The following RANBP2 variants were observed in gnomAD, a reference collection of about 807,000 sequenced individuals.
RANBP2 encodes E3 SUMO-protein ligase RanBP2.
In RANBP2, 57 loss-of-function variants were observed where a neutral mutation model predicts 303.6. That is an observed-to-expected ratio of 0.19 (90% CI 0.15 to 0.23). The LOEUF (loss-of-function observed/expected upper bound fraction) is 0.23, where lower values mean the gene tolerates loss of function less well. Ranked by LOEUF, RANBP2 falls within the 10% of genes least tolerant of loss-of-function variation. The pLI is 1.00. For missense variants in RANBP2, 3,138 were observed against 3,780.8 expected (o/e 0.83, Z 4.46); for synonymous variants, 1,167 against 1,301.5 (o/e 0.90, Z 2.23).
chr2:108,997,440 C>CAAAA, the RANBP2 span, among the ~76,000 whole-genome samples: 26,161 of 49,776 alleles, frequency 0.53, 10,220 homozygotes, highest in South Asian at 0.76. Flanking sequence ...GACTCTGTCT[C>CAAAA]AAAAAAAAAA....
chr2:108,903,370 T>C, the RANBP2 span, among the ~76,000 whole-genome samples: 7 of 152,070 alleles, frequency 4.6e-5, no homozygotes, highest in African/African-American at 1.7e-4. Flanking sequence ...AGGCATTTTG[T>C]ACATATAGGG....
At chr2:108,786,834 G>C, downstream of RANBP2, 2 of 1,592,114 alleles carry the variant, frequency 1.3e-6, no homozygotes, top group East Asian at 2.3e-5. Context: ...TGGAGCCGAG[G>C]GTCGTCAAGC....
the RANBP2 span, among the ~76,000 whole-genome samples, chr2:109,202,752 C>G: frequency 4.6e-5 from 7 of 152,160 alleles, no homozygotes; most frequent in Admixed American, 1.3e-4. Context: ...CTGTCGACAG[C>G]CCTTCCCATA....
chr2:108,756,127 C>T (rs772235318), intron 17 of RANBP2, among the ~76,000 whole-genome samples: 13 of 152,234 alleles, frequency 8.5e-5, no homozygotes, highest in African/African-American at 1.4e-4. Context: ...TATAAGAGTT[C>T]GTGGCACAGA....
At chr2:109,090,342 A>C in the RANBP2 span, among the ~76,000 whole-genome samples, 2 of 151,680 alleles carry the variant, frequency 1.3e-5, no homozygotes, top group East Asian at 1.9e-4. Context: ...ACACACACAC[A>C]CACACACACA....
At chr2:109,445,069 C>T in the RANBP2 span, among the ~76,000 whole-genome samples, 1 of 152,138 alleles carries the variant, frequency 6.6e-6, no homozygotes, top group African/African-American at 2.4e-5. Flanking sequence ...CTGTAGGTAG[C>T]ATAAACTCTA....
the RANBP2 span, among the ~76,000 whole-genome samples, chr2:109,654,409 C>T: frequency 6.6e-6 from 1 of 151,906 alleles, no homozygotes; most frequent in East Asian, 1.9e-4. Flanking sequence ...TTCAGTTAAG[C>T]TAAGAGTTTA....
chr2:109,628,003 G>A, the RANBP2 span, among the ~76,000 whole-genome samples: 4 of 152,102 alleles, frequency 2.6e-5, no homozygotes, highest in African/African-American at 7.2e-5. Context: ...TTGAGAGGGT[G>A]CGTATCTGTG....
At chr2:109,104,279 T>G in the RANBP2 span, among the ~76,000 whole-genome samples, 1 of 152,182 alleles carries the variant, frequency 6.6e-6, no homozygotes, top group Non-Finnish European at 1.5e-5. Context: ...ATCTGTTGTG[T>G]CAGTCTTAGG....
chr2:109,171,479 AC>A, the RANBP2 span, among the ~76,000 whole-genome samples: 11 of 152,018 alleles, frequency 7.2e-5, no homozygotes, highest in African/African-American at 2.7e-4. Flanking sequence ...TTGCCCCCCT[AC>A]CCCGACCCCT....
the RANBP2 span, among the ~76,000 whole-genome samples, chr2:109,387,988 G>T: frequency 6.6e-6 from 1 of 152,030 alleles, no homozygotes; most frequent in African/African-American, 2.4e-5. Flanking sequence ...GGACTCCTCG[G>T]TCCCTGTTCA....
chr2:109,615,480 C>T, the RANBP2 span: 24 of 1,613,558 alleles, frequency 1.5e-5, no homozygotes, highest in South Asian at 2.4e-4. Flanking sequence ...ACACCAGCTG[C>T]CGGTGAACAT....
At chr2:109,747,730 C>A in the RANBP2 span, among the ~76,000 whole-genome samples, 2 of 137,564 alleles carry the variant, frequency 1.5e-5, no homozygotes, top group Admixed American at 1.5e-4. Flanking sequence ...GCAAAAAGAG[C>A]AAAACCCTGT....
the RANBP2 span, among the ~76,000 whole-genome samples, chr2:109,306,162 T>C: frequency 2.0e-5 from 3 of 152,192 alleles, no homozygotes; most frequent in African/African-American, 7.2e-5. Context: ...ACGTCGCTTA[T>C]AGAGAAAATC....
chr2:109,268,533 C>A, the RANBP2 span, among the ~76,000 whole-genome samples: 1 of 152,294 alleles, frequency 6.6e-6, no homozygotes, highest in East Asian at 1.9e-4. Flanking sequence ...GCCCCATTGC[C>A]CGACCACAGG....
the RANBP2 span, among the ~76,000 whole-genome samples, chr2:109,701,476 G>A: frequency 6.6e-6 from 1 of 152,172 alleles, no homozygotes; most frequent in Non-Finnish European, 1.5e-5. Flanking sequence ...GAAGTGGGGG[G>A]CCTCCAGGTC....
At chr2:109,194,572 C>T in the RANBP2 span, among the ~76,000 whole-genome samples, 7 of 152,208 alleles carry the variant, frequency 4.6e-5, no homozygotes, top group African/African-American at 1.4e-4. Flanking sequence ...TTTCAGGGCC[C>T]GGCGGGCGGG....
At chr2:109,209,509 A>G in the RANBP2 span, among the ~76,000 whole-genome samples, 1 of 152,200 alleles carries the variant, frequency 6.6e-6, no homozygotes, top group Non-Finnish European at 1.5e-5. Flanking sequence ...GCCTGGGTAC[A>G]GCAAGGGAGG....
chr2:109,347,260 C>A, the RANBP2 span, among the ~76,000 whole-genome samples: 1 of 152,162 alleles, frequency 6.6e-6, no homozygotes, highest in African/African-American at 2.4e-5. Context: ...GTAAGAAATT[C>A]CGAGCCCAGA....
Sources: allele counts gnomAD v4.1 joint callset (sites outside exome capture counted in the v4.1 genomes callset), GRCh38; gene constraint gnomAD v4.1.1; transcripts MANE v1.5; gene names NCBI Gene and HGNC (gene_info 2026-07-23, HGNC 2026-07-21).